OPRM1: variants seen among roughly 807,000 people sequenced by gnomAD.
OPRM1 encodes the protein mu-type opioid receptor.
OPRM1 carries 27 observed loss-of-function variants against 31.8 expected under a neutral mutation model. That is an observed-to-expected ratio of 0.85 (90% CI 0.63 to 1.17). The LOEUF (loss-of-function observed/expected upper bound fraction) is 1.17. OPRM1 is among the 50% of genes most tolerant of loss of function. OPRM1 has a pLI of 0.00. For missense variants in OPRM1, 536 were observed against 511.1 expected, an observed-to-expected ratio of 1.05 and a Z score of -0.47; for synonymous variants, 196 against 189.9, an observed-to-expected ratio of 1.03 and a Z score of -0.26.
chr6:154,229,036 C>T (rs1355733432), intron 3 of OPRM1, among the ~76,000 whole-genome samples: 1 of 152,230 alleles, frequency 6.6e-6, no homozygotes, highest in Non-Finnish European at 1.5e-5. Context: ...ATTTCCAAAA[C>T]TTTTTCCCTA....
At chr6:154,041,819 A>G (rs1562389882) in intron 1 of OPRM1, among the ~76,000 whole-genome samples, 1 of 152,224 alleles carries the variant, frequency 6.6e-6, no homozygotes, top group Non-Finnish European at 1.5e-5. Flanking sequence ...CATCTGAAAC[A>G]TAATATTTTA....
intron 1 of OPRM1, chr6:154,074,001 A>C (rs1168763902): frequency 6.6e-6 from 1 of 152,232 alleles, no homozygotes; most frequent in Non-Finnish European, 1.5e-5. Flanking sequence ...CAGAAAAACG[A>C]ATGATAATAA....
At chr6:154,152,390 A>AAGAAAGAAAGAAAGAAAGAAAGAAAGAG (rs1360734115) in intron 3 of OPRM1, among the ~76,000 whole-genome samples, 11 of 126,284 alleles carry the variant, frequency 8.7e-5, no homozygotes, top group African/African-American at 3.1e-4. Flanking sequence ...GAAAGAAAGA[A>AAGAAAGAAAGAAAGAAAGAAAGAAAGAG]AGAGAAATAG....
intron 3 of OPRM1, among the ~76,000 whole-genome samples, chr6:154,173,667 T>G (rs1015745976): frequency 6.6e-6 from 1 of 151,796 alleles, no homozygotes; most frequent in Non-Finnish European, 1.5e-5. Flanking sequence ...AAATATGGGA[T>G]TATGTGAAAA....
intron 1 of OPRM1, among the ~76,000 whole-genome samples, chr6:154,077,182 C>G (rs1055387572): frequency 1.3e-5 from 2 of 152,116 alleles, no homozygotes; most frequent in East Asian, 3.9e-4. Flanking sequence ...TGCACATACT[C>G]TATTTTCCCT....
intron 1 of OPRM1, among the ~76,000 whole-genome samples, chr6:154,075,071 A>T (rs2128459356): frequency 6.6e-6 from 1 of 152,314 alleles, no homozygotes; most frequent in East Asian, 1.9e-4. Flanking sequence ...TACAAAAGAG[A>T]TAAGATTGCA....
intron 3 of OPRM1, among the ~76,000 whole-genome samples, chr6:154,095,018 A>G (rs1793108299): frequency 6.6e-6 from 1 of 152,350 alleles, no homozygotes; most frequent in South Asian, 2.1e-4. Context: ...CTGGCCAGGC[A>G]CAGTAGCTCA....
At chr6:154,213,955 CTGTT>C (rs1390000724) in intron 3 of OPRM1, among the ~76,000 whole-genome samples, 2 of 152,142 alleles carry the variant, frequency 1.3e-5, no homozygotes, top group African/African-American at 4.8e-5. Flanking sequence ...GCATCGGTGA[CTGTT>C]TGAGATGTCA....
intron 3 of OPRM1, among the ~76,000 whole-genome samples, chr6:154,146,380 A>G (rs1562507759): frequency 6.6e-6 from 1 of 152,226 alleles, no homozygotes; most frequent in Admixed American, 6.5e-5. Flanking sequence ...AGTCTGGGCA[A>G]CAGAACAAGA....
intron 1 of OPRM1, among the ~76,000 whole-genome samples, chr6:154,061,610 GC>G (rs1273810585): frequency 6.6e-6 from 1 of 152,084 alleles, no homozygotes; most frequent in Non-Finnish European, 1.5e-5. Flanking sequence ...ATAAGTGAGA[GC>G]TAAACATTGA....
chr6:154,104,803 G>A (rs1298698025), intron 3 of OPRM1, among the ~76,000 whole-genome samples: 2 of 152,210 alleles, frequency 1.3e-5, no homozygotes, highest in Non-Finnish European at 2.9e-5. Context: ...CTGTTCCACA[G>A]AAGGAATTTC....
intron 3 of OPRM1, among the ~76,000 whole-genome samples, chr6:154,226,773 G>T (rs1779286725): frequency 6.6e-6 from 1 of 151,842 alleles, no homozygotes; most frequent in East Asian, 1.9e-4. Flanking sequence ...GCTGCCCTCG[G>T]GTCAAGTCTA....
chr6:154,107,788 C>A (rs375186402), intron 3 of OPRM1: 1 of 718,192 alleles, frequency 1.4e-6, no homozygotes, highest in Non-Finnish European at 2.6e-6. Flanking sequence ...CTTGCCGGGT[C>A]GTCTTGAAAA....
chr6:154,034,527 G>T (rs993501747), upstream of OPRM1, among the ~76,000 whole-genome samples: 17 of 152,064 alleles, frequency 1.1e-4, no homozygotes, highest in African/African-American at 3.9e-4. Context: ...CAGCCTGGGC[G>T]ACAGAGTGAG....
rs1297477980 is a variant in OPRM1 at position 154,122,320 on chromosome 6, C to T, written c.*3599C>T. Among the ~76,000 whole-genome samples the T allele has an allele frequency of 2.0e-5, 3 of 152,178 alleles. No individual in the cohort carries two copies. Among genetic ancestry groups the T allele is most frequent in the South Asian group, 2.1e-4 (1 of 4,834 alleles). On this transcript the variant is annotated 3_prime_UTR_variant, in exon 4 of 4. Coordinates refer to ENST00000330432, the MANE Select transcript of OPRM1 (RefSeq NM_000914.5). ...AAACATCAAGATTCTTGCCTGGATT[C>T]TCAACATAAGTCTTTACTCACAGGC...
intron 1 of OPRM1, among the ~76,000 whole-genome samples, chr6:154,011,274 A>G (rs1442474995): frequency 6.6e-6 from 1 of 152,134 alleles, no homozygotes; most frequent in Non-Finnish European, 1.5e-5. Flanking sequence ...TTTTATGCCA[A>G]ATTATGGTTT....
intron 1 of OPRM1, among the ~76,000 whole-genome samples, chr6:154,013,660 C>G (rs185348125): frequency 6.6e-6 from 1 of 152,088 alleles, no homozygotes; most frequent in East Asian, 1.9e-4. Flanking sequence ...TTCAGCAATA[C>G]GTATTTATTG....
chr6:154,039,704 G>T lies in OPRM1; in HGVS notation c.160G>T (p.Gly54Trp). 1 of 1,613,410 alleles carries T rather than the reference G, an allele frequency of 6.2e-7. No individual in the cohort carries two copies. Residue 54 changes from glycine (G) to tryptophan (W), a missense_variant, in exon 1 of 4, where the codon GGG (glycine) becomes TGG (tryptophan). Physicochemically the swap from Gly to Trp is radical, Grantham distance 184. Coordinates refer to ENST00000330432, the MANE Select transcript of OPRM1 (RefSeq NM_000914.5). ...PCGPNRTDLGGRDSLCPPTGS... is the reference protein window; with the variant it reads ...PCGPNRTDLGWRDSLCPPTGS... Reference sequence around the variant, plus strand: ...CGGTCCGAACCGCACCGACCTGGGCGGGAGAGACAGCCTGTGCCCTCCGAC... The same window carrying T: ...CGGTCCGAACCGCACCGACCTGGGCTGGAGAGACAGCCTGTGCCCTCCGAC...
intron 3 of OPRM1, chr6:154,159,850 G>T: frequency 6.2e-7 from 1 of 1,611,054 alleles, no homozygotes. Context: ...TTCAACAGAG[G>T]GAGAAGAAGG....
Sources: gnomAD v4.1 joint callset for allele counts (sites outside exome capture counted in the v4.1 genomes callset) on GRCh38, gnomAD v4.1.1 for gene constraint, MANE v1.5 for transcripts, NCBI Gene and HGNC (gene_info 2026-07-23, HGNC 2026-07-21) for gene names.